The following SNTG1 variants were observed in gnomAD, a reference collection of about 807,000 sequenced individuals.
SNTG1 encodes syntrophin gamma 1, also known as gamma-1-syntrophin.
In SNTG1, 39 loss-of-function variants were observed where a neutral mutation model predicts 74.7. The ratio of observed to expected loss-of-function variants is 0.52; its 90% CI spans 0.40 to 0.68. The LOEUF is 0.68. Ranked by LOEUF, SNTG1 falls within the 30% of genes least tolerant of loss-of-function variation. The pLI is 0.00. For missense variants in SNTG1, 685 were observed against 609.5 expected (o/e 1.12, Z -1.30); for synonymous variants, 254 against 217.1 (o/e 1.17, Z -1.49).
intron 2 of SNTG1, among the ~76,000 whole-genome samples, chr8:50,322,384 G>A (rs2090566417): frequency 6.6e-6 from 1 of 152,088 alleles, no homozygotes; most frequent in Non-Finnish European, 1.5e-5. Flanking sequence ...GGCTTCCACT[G>A]GGAAGTCTGC....
Position 50,658,585 on chromosome 8 carries a change from T to G in SNTG1, c.967-7T>G. On this transcript the variant is annotated splice_polypyrimidine_tract_variant and splice_region_variant and intron_variant, in intron 14 of 18. Coordinates refer to ENST00000642720, the MANE Select transcript of SNTG1 (RefSeq NM_018967.5). The stretch of plus-strand genomic sequence containing the variant: ...CAAATTAAACATTATTTTCTTATCT[T>G]TTAAAGGTGACCACCTGGGACTGGA... The G allele has an allele frequency of 6.3e-7, 1 of 1,590,116 alleles. No homozygotes were observed. The highest frequency in any genetic ancestry group is 8.6e-7 in the Non-Finnish European group (1 of 1,162,114).
chr8:50,445,460 A>G (rs2093398111), intron 5 of SNTG1, among the ~76,000 whole-genome samples: 1 of 152,178 alleles, frequency 6.6e-6, no homozygotes. Context: ...CTGATGCTCT[A>G]AAAGCATTCC....
At chr8:50,755,067 AG>A (rs567601149) in intron 18 of SNTG1, among the ~76,000 whole-genome samples, 3 of 151,804 alleles carry the variant, frequency 2.0e-5, no homozygotes, top group East Asian at 2.0e-4. Context: ...CCCCCACCAG[AG>A]GGGGGGATGA....
At chr8:50,150,710 A>T (rs1253328600) in intron 1 of SNTG1, among the ~76,000 whole-genome samples, 1 of 152,094 alleles carries the variant, frequency 6.6e-6, no homozygotes, top group Admixed American at 6.5e-5. Context: ...TGATTTGTGT[A>T]TGTTGAACCA....
intron 8 of SNTG1, among the ~76,000 whole-genome samples, chr8:50,488,958 T>G (rs186710796): frequency 1.3e-5 from 2 of 151,892 alleles, no homozygotes; most frequent in East Asian, 2.0e-4. Context: ...CCCCAATGTG[T>G]GATATTCCCC....
chr8:50,658,379 C>A (rs573558450), intron 14 of SNTG1, among the ~76,000 whole-genome samples: 1 of 152,096 alleles, frequency 6.6e-6, no homozygotes, highest in South Asian at 2.1e-4. Flanking sequence ...TAATATAAAT[C>A]ATTTGCTGAA....
chr8:50,617,128 A>G (rs965464817), intron 13 of SNTG1, among the ~76,000 whole-genome samples: 1 of 151,968 alleles, frequency 6.6e-6, no homozygotes, highest in African/African-American at 2.4e-5. Context: ...ATCCTGTTTT[A>G]CTACTCCGCA....
At chr8:50,660,807 A>G (rs28702374) in intron 15 of SNTG1, among the ~76,000 whole-genome samples, 6,974 of 152,256 alleles carry the variant, frequency 0.046, 530 homozygotes, top group African/African-American at 0.16. Flanking sequence ...AGCTCTATCA[A>G]GATATACAAA....
intron 1 of SNTG1, among the ~76,000 whole-genome samples, chr8:50,016,316 T>C (rs558381034): frequency 6.6e-6 from 1 of 152,244 alleles, no homozygotes; most frequent in South Asian, 2.1e-4. Context: ...CATTTCAAAA[T>C]GATATTTTTT....
At chr8:50,224,198 C>G (rs1031271346) in intron 2 of SNTG1, among the ~76,000 whole-genome samples, 1 of 152,058 alleles carries the variant, frequency 6.6e-6, no homozygotes, top group African/African-American at 2.4e-5. Context: ...AGACATATCA[C>G]ATTAGTGGAA....
At chr8:50,685,553 C>G (rs1323195367) in intron 15 of SNTG1, among the ~76,000 whole-genome samples, 1 of 152,080 alleles carries the variant, frequency 6.6e-6, no homozygotes, top group Non-Finnish European at 1.5e-5. Context: ...GTCATTTGGT[C>G]TTTTCAAACC....
intron 2 of SNTG1, among the ~76,000 whole-genome samples, chr8:50,306,741 T>G (rs1192128004): frequency 6.6e-6 from 1 of 152,048 alleles, no homozygotes; most frequent in Non-Finnish European, 1.5e-5. Context: ...TTGATGGATT[T>G]TTTTTTCTGA....
chr8:50,645,518 G>GAGATAAGA (rs2095103246), intron 13 of SNTG1, among the ~76,000 whole-genome samples: 2 of 151,690 alleles, frequency 1.3e-5, no homozygotes, highest in African/African-American at 2.4e-5. Context: ...TCCTTGTGTG[G>GAGATAAGA]CTTATAAATT....
intron 13 of SNTG1, among the ~76,000 whole-genome samples, chr8:50,636,476 C>A (rs2095039972): frequency 6.6e-6 from 1 of 152,042 alleles, no homozygotes; most frequent in South Asian, 2.1e-4. Flanking sequence ...ATGTGCAATT[C>A]CCCTGTGGCT....
intron 2 of SNTG1, among the ~76,000 whole-genome samples, chr8:50,197,526 A>G (rs2083822450): frequency 6.6e-6 from 1 of 152,164 alleles, no homozygotes; most frequent in African/African-American, 2.4e-5. Flanking sequence ...CCTTGTCATC[A>G]CAGGATAACA....
chr8:50,638,635 T>C (rs1293299966), intron 13 of SNTG1, among the ~76,000 whole-genome samples: 1 of 152,112 alleles, frequency 6.6e-6, no homozygotes, highest in African/African-American at 2.4e-5. Context: ...GCAGTTACTT[T>C]TGAGGTTTTA....
intron 13 of SNTG1, among the ~76,000 whole-genome samples, chr8:50,616,736 C>A (rs545495056): frequency 4.5e-4 from 68 of 152,308 alleles, no homozygotes; most frequent in African/African-American, 1.5e-3. Context: ...GATAATTGTG[C>A]CTTTCTGTGG....
chr8:49,944,721 T>C (rs1459277798), intron 1 of SNTG1, among the ~76,000 whole-genome samples: 1 of 148,800 alleles, frequency 6.7e-6, no homozygotes, highest in Non-Finnish European at 1.5e-5. Flanking sequence ...TAAAACAAAG[T>C]ATAATAATAA....
intron 1 of SNTG1, among the ~76,000 whole-genome samples, chr8:49,960,983 T>A (rs1810631563): frequency 6.6e-6 from 1 of 152,108 alleles, no homozygotes. Context: ...TATAGGAAAA[T>A]GTGCTTTTAT....
Sources: gnomAD v4.1 joint callset for allele counts (sites outside exome capture counted in the v4.1 genomes callset) on GRCh38, gnomAD v4.1.1 for gene constraint, MANE v1.5 for transcripts, NCBI Gene and HGNC (gene_info 2026-07-23, HGNC 2026-07-21) for gene names.